SETD2: variants seen among roughly 807,000 people sequenced by gnomAD.
SETD2 encodes the protein histone-lysine N-methyltransferase SETD2.
A neutral mutation model predicts 242.1 loss-of-function variants in SETD2; 31 were observed. The ratio of observed to expected loss-of-function variants is 0.13; its 90% CI spans 0.10 to 0.17. The LOEUF (loss-of-function observed/expected upper bound fraction) is 0.17, where lower values mean the gene tolerates loss of function less well. Ranked by LOEUF, SETD2 falls within the 10% of genes least tolerant of loss-of-function variation. The pLI is 1.00. For missense variants in SETD2, 2,481 were observed against 3,046.3 expected (o/e 0.81, Z 4.37); for synonymous variants, 1,006 against 1,066.5 (o/e 0.94, Z 1.11).
At chr3:47,094,071 G>A (rs2041911573) in intron 9 of SETD2, among the ~76,000 whole-genome samples, 1 of 152,022 alleles carries the variant, frequency 6.6e-6, no homozygotes. Flanking sequence ...TGAGTTGAAA[G>A]TTAAGTATTT....
intron 1 of SETD2, among the ~76,000 whole-genome samples, chr3:47,161,463 T>C (rs562164515): frequency 2.1e-3 from 315 of 152,294 alleles, no homozygotes; most frequent in Non-Finnish European, 3.2e-3. Flanking sequence ...GCTTACTATC[T>C]CAAGAGTTTG....
intron 5 of SETD2, among the ~76,000 whole-genome samples, chr3:47,107,426 G>A (rs2042470279): frequency 1.3e-5 from 2 of 151,892 alleles, no homozygotes; most frequent in South Asian, 4.2e-4. Flanking sequence ...AAAAAGCAGA[G>A]CTCAAAAACA....
chr3:47,066,822 A>G (rs1433150542), intron 13 of SETD2, among the ~76,000 whole-genome samples: 1 of 152,174 alleles, frequency 6.6e-6, no homozygotes, highest in Non-Finnish European at 1.5e-5. Flanking sequence ...AAACGAATAG[A>G]AAAAAAGCTA....
Position 47,057,001 on chromosome 3 carries a change from G to A in SETD2, c.6783C>T (p.Ala2261=), listed in dbSNP as rs2040111523. Residue 2261 remains alanine, a synonymous_variant, in exon 15 of 21, where the codon GCC becomes GCT. Transcript: ENST00000409792. ...DSSVAVLPVP[A]PGPVQGQNYS... is the part of the protein sequence containing the mutation. ...AATTCTGTCCCTGAACTGGGCCGGG[G>A]GCCGGCACTGGCAAGACAGCAACGC... is the stretch of plus-strand genomic sequence containing the variant. 2 of 1,614,130 alleles carry A rather than the reference G, an allele frequency of 1.2e-6. No homozygotes were observed. Among genetic ancestry groups the A allele is most frequent in the Non-Finnish European group, 1.7e-6 (2 of 1,180,058 alleles).
chr3:47,030,484 C>T (rs1255659242), intron 18 of SETD2, among the ~76,000 whole-genome samples: 1 of 151,794 alleles, frequency 6.6e-6, no homozygotes, highest in African/African-American at 2.4e-5. Flanking sequence ...AATTGGAGTC[C>T]CAGGAAAAGG....
In SETD2 at chr3:47,121,806, C is replaced by A; in HGVS notation, c.2830G>T (p.Ala944Ser). The A allele has an allele frequency of 6.2e-7, 1 of 1,614,134 alleles. No homozygotes were observed. The highest frequency in any genetic ancestry group is 1.3e-5 in the African/African-American group (1 of 75,048). ...TTATTACGCCTGTTCTCCCTGGAAG[C>A]AAATCCCTTTCCTGAATCAGGAAGG... is the stretch of plus-strand genomic sequence containing the variant. ...SDLPDSGKGF[A>S]SRENRRNNGL... The change falls in exon 3 of 21, where the codon GCT (alanine) becomes TCT (serine). Residue 944 changes from alanine (A) to serine (S), a missense_variant. By Grantham distance (99) the Ala-to-Ser change is moderately conservative. This residue lies in a region of SETD2 where 1,300 missense variants were observed against 1,259.2 expected (regional missense o/e 1.03). Transcript: ENST00000409792.
At chr3:47,124,675 T>A in intron 2 of SETD2, 127 bp from the exon 3 acceptor site, 1 of 774,552 alleles carries the variant, frequency 1.3e-6, no homozygotes, top group Non-Finnish European at 2.0e-6. Flanking sequence ...TGAATTTCAC[T>A]AAGCTATATA....
chr3:47,071,815 C>T (rs1269855133), intron 12 of SETD2, among the ~76,000 whole-genome samples: 4 of 152,118 alleles, frequency 2.6e-5, no homozygotes, highest in African/African-American at 9.7e-5. Flanking sequence ...TACTTTACAA[C>T]GTTTTCTTAT....
chr3:47,063,172 CA>C (rs901349884), intron 13 of SETD2, among the ~76,000 whole-genome samples: 6 of 152,002 alleles, frequency 3.9e-5, no homozygotes, highest in African/African-American at 1.5e-4. Flanking sequence ...ATTTGGTTGA[CA>C]AAAAAATCCA....
intron 14 of SETD2, among the ~76,000 whole-genome samples, chr3:47,060,394 A>G (rs1050390033): frequency 6.6e-6 from 1 of 152,214 alleles, no homozygotes; most frequent in African/African-American, 2.4e-5. Flanking sequence ...CTGAGAAAAG[A>G]CAAGATTTCC....
intron 5 of SETD2, among the ~76,000 whole-genome samples, chr3:47,112,739 G>A (rs571286959): frequency 2.6e-5 from 4 of 151,896 alleles, no homozygotes; most frequent in African/African-American, 4.8e-5. Context: ...ATAGGCGTGC[G>A]CCACCACACC....
chr3:47,094,968 T>C (rs2041949990), intron 9 of SETD2, among the ~76,000 whole-genome samples: 1 of 152,138 alleles, frequency 6.6e-6, no homozygotes, highest in Non-Finnish European at 1.5e-5. Flanking sequence ...TTCTTCAGAG[T>C]TATCCTTAAA....
At position 47,124,493 on chromosome 3, in the gene SETD2, C is replaced by T. The variant is rs760120112; in HGVS notation, c.143G>A (p.Gly48Asp). Residue 48 changes from glycine (G) to aspartate (D), a missense_variant, in exon 3 of 21, where the codon GGT becomes GAT. Transcript: ENST00000409792. ...GGGCAAAAATCGACTAGAAGCAACACCTTTGAACATTGGTCCTTTGATGAA... is the reference window on the plus strand; with the variant it reads ...GGGCAAAAATCGACTAGAAGCAACATCTTTGAACATTGGTCCTTTGATGAA... ...TGFIKGPMFK[G>D]VASSRFLPKG... 4 of 1,551,324 alleles carry T rather than the reference C, an allele frequency of 2.6e-6. No homozygotes were observed. The South Asian group carries it at 3.6e-5, about 14-fold the overall frequency.
chr3:47,046,648 A>T (rs2039544625), intron 15 of SETD2, 27 bp from the exon 16 acceptor site: 2 of 1,595,500 alleles, frequency 1.3e-6, no homozygotes, highest in African/African-American at 1.3e-5. Context: ...AGAAATCAAT[A>T]ATTTAAGCTT....
chr3:47,059,667 C>T (rs2040251378), intron 14 of SETD2, among the ~76,000 whole-genome samples: 1 of 151,786 alleles, frequency 6.6e-6, no homozygotes, highest in Non-Finnish European at 1.5e-5. Context: ...ATCCACTCGC[C>T]TCGGCCTCCC....
chr3:47,104,909 A>T (rs2042350672), intron 6 of SETD2, among the ~76,000 whole-genome samples: 1 of 152,092 alleles, frequency 6.6e-6, no homozygotes, highest in Non-Finnish European at 1.5e-5. Flanking sequence ...CTGTAACTAG[A>T]TGCATGCAAA....
chr3:47,073,654 A>G (rs1464122560), intron 12 of SETD2, among the ~76,000 whole-genome samples: 1 of 152,214 alleles, frequency 6.6e-6, no homozygotes, highest in African/African-American at 2.4e-5. Context: ...ATGAAAGGTA[A>G]CAAGATCTGT....
At chr3:47,147,219 G>T (rs2043876139) in intron 1 of SETD2, among the ~76,000 whole-genome samples, 1 of 151,714 alleles carries the variant, frequency 6.6e-6, no homozygotes, top group Non-Finnish European at 1.5e-5. Context: ...CACCATGTTG[G>T]CCAGGCTGGT....
In SETD2 at chr3:47,123,325, G is replaced by C. The variant is rs1221591455; in HGVS notation, c.1311C>G (p.Ser437Arg). The change falls in exon 3 of 21, where the codon AGC becomes AGG. Residue 437 changes from serine to arginine, a missense_variant. By Grantham distance (110) the Ser-to-Arg change is moderately radical. Transcript: ENST00000409792. ...YYDSDRRYHR[S>R]SPYRERTRYS... Reference sequence around the variant, plus strand: ...AGCGCGTCCTCTCTCGATAAGGGGAGCTCCTATGGTAGCGACGATCAGAGT... The same window carrying C: ...AGCGCGTCCTCTCTCGATAAGGGGACCTCCTATGGTAGCGACGATCAGAGT... The C allele has an allele frequency of 1.3e-6, 2 of 1,551,612 alleles. No homozygotes were observed. Among genetic ancestry groups the C allele is most frequent in the East Asian group, 2.4e-5 (1 of 40,926 alleles).
Sources: gnomAD v4.1 joint callset for allele counts (sites outside exome capture counted in the v4.1 genomes callset) on GRCh38, gnomAD v4.1.1 for gene constraint, gnomAD v4.1.1 regional missense constraint, MANE v1.5 for transcripts, NCBI Gene and HGNC (gene_info 2026-07-23, HGNC 2026-07-21) for gene names.